COL4A2: variants seen among roughly 807,000 people sequenced by gnomAD.
The protein encoded by COL4A2 is collagen alpha-2(IV) chain.
Under a neutral mutation model 200.2 loss-of-function variants are expected in COL4A2, and 99 were observed. The ratio of observed to expected loss-of-function variants is 0.49; its 90% confidence interval spans 0.42 to 0.58. COL4A2 has a LOEUF of 0.58. Ranked by LOEUF, COL4A2 falls within the 20% of genes least tolerant of loss-of-function variation. COL4A2 has a pLI of 0.00. For missense variants in COL4A2, 1,950 were observed against 2,314.1 expected (o/e 0.84, Z 3.23); for synonymous variants, 897 against 900.6 (o/e 1.00, Z 0.07).
intron 35 of COL4A2, 94 bp downstream of exon 35, chr13:110,489,602 A>G: frequency 6.3e-7 from 1 of 1,590,566 alleles, no homozygotes. Flanking sequence ...GCTGTTAGGT[A>G]TTTTAAAACA....
rs192170182 is a variant in COL4A2 at position 110,312,826 on chromosome 13, C to T, written c.99+4703C>T. The stretch of plus-strand genomic sequence containing the variant: ...AAGTCTAATCCAGCCTGTTGCTAAC[C>T]GGGTTCTGACTTCAGGGCAAGACAC... On this transcript the variant is annotated intron_variant, in intron 3 of 47. Coordinates refer to ENST00000360467, the MANE Select transcript of COL4A2 (RefSeq NM_001846.4). 7.2e-5 allele frequency among the ~76,000 whole-genome samples: 11 copies of T among 152,324 alleles called. 1 individual carries two copies. The East Asian group carries it at 1.4e-3, about 19-fold the overall frequency.
intron 4 of COL4A2, among the ~76,000 whole-genome samples, chr13:110,385,500 A>G (rs9521738): frequency 0.33 from 26,335 of 79,900 alleles, 4,379 homozygotes; most frequent in Admixed American, 0.4. Context: ...GGCCGTGGTT[A>G]CAGTGTGTGG....
chr13:110,345,199 G>A (rs1259270455), intron 3 of COL4A2, among the ~76,000 whole-genome samples: 14 of 152,184 alleles, frequency 9.2e-5, no homozygotes, highest in Non-Finnish European at 1.8e-4. Context: ...GGGTATGGAG[G>A]ACATTCCAAG....
At chr13:110,418,938 A>G (rs192540467) in intron 4 of COL4A2, among the ~76,000 whole-genome samples, 3 of 152,344 alleles carry the variant, frequency 2.0e-5, no homozygotes, top group Admixed American at 2.0e-4. Context: ...ATATTTCTAA[A>G]TTTTGGCCGG....
intron 34 of COL4A2, among the ~76,000 whole-genome samples, chr13:110,487,117 C>T (rs1883143151): frequency 6.6e-6 from 1 of 152,222 alleles, no homozygotes; most frequent in South Asian, 2.1e-4. Context: ...CTGAGAGTAT[C>T]TTCTAGCCAG....
chr13:110,307,923 C>A lies in COL4A2; in HGVS notation c.20C>A (p.Ala7Glu). 6.2e-7 allele frequency: 1 copy of A among 1,612,846 alleles called. No individual in the cohort carries two copies. Among genetic ancestry groups the A allele is most frequent in the South Asian group, 1.1e-5 (1 of 90,930 alleles). Residue 7 changes from alanine to glutamate, a missense_variant, in exon 2 of 48, where the codon GCG becomes GAG. Physicochemically the swap from Ala to Glu is moderately radical, Grantham distance 107. This residue lies in a region of COL4A2 where 565 missense variants were observed against 593.5 expected (regional missense o/e 0.95). Transcript: ENST00000360467. This position sits in a 1 kb window ranked among gnomAD's most constrained non-coding sequence, Gnocchi z 5.0. ...GCCAGCATGGGGAGAGACCAGCGCG[C>A]GGTGGCCGGCCCTGCCCTACGGCGG... MGRDQR[A>E]VAGPALRRWL...
At chr13:110,500,970 A>G (rs1883617280) in intron 40 of COL4A2, among the ~76,000 whole-genome samples, 1 of 152,250 alleles carries the variant, frequency 6.6e-6, no homozygotes, top group Non-Finnish European at 1.5e-5. Context: ...TGTGGAAAAC[A>G]GGGCACTACA....
chr13:110,370,837 A>C (rs1877973020), intron 4 of COL4A2, among the ~76,000 whole-genome samples: 1 of 152,220 alleles, frequency 6.6e-6, no homozygotes, highest in Non-Finnish European at 1.5e-5. Flanking sequence ...GGAGATTTCT[A>C]AATGCTAATT....
At position 110,418,789 on chromosome 13, in the gene COL4A2, G is replaced by A. The variant is rs556169979; in HGVS notation, c.181-5945G>A. Among the ~76,000 whole-genome samples the A allele has an allele frequency of 2.6e-5, 4 of 152,314 alleles. No individual in the cohort carries two copies. In the East Asian group the frequency reaches 5.8e-4, roughly 22 times the overall value. ...TCTGTGTTGCATGGAATAGGCTGCT[G>A]ATAGTTATCTGTGTAATATACTGTA... is the stretch of plus-strand genomic sequence containing the variant. On this transcript the variant is annotated intron_variant, in intron 4 of 47. Coordinates refer to ENST00000360467, the MANE Select transcript of COL4A2 (RefSeq NM_001846.4).
rs147642990 is a variant in COL4A2 at position 110,381,280 on chromosome 13, C to T, written c.180+23728C>T. The stretch of plus-strand genomic sequence containing the variant: ...TCTCACACCCACGGACTCTATCTCA[C>T]GCCCACCGGCTCTATGTCACACCCA... On this transcript the variant is annotated intron_variant, in intron 4 of 47. Transcript: ENST00000360467. 8.6e-3 allele frequency among the ~76,000 whole-genome samples: 1,311 copies of T among 152,098 alleles called. 16 individuals carry two copies. Among genetic ancestry groups the T allele is most frequent in the African/African-American group, 0.029 (1,202 of 41,486 alleles).
Position 110,469,276 on chromosome 13 carries a change from A to G in COL4A2, c.2155A>G (p.Arg719Gly), listed in dbSNP as rs754712677. Reference sequence around the variant, plus strand: ...AGGAGCTGATGGAGGACCAGGGCCCAGGGGCTTGCCAGGAGACGCAGGTCG... The same window carrying G: ...AGGAGCTGATGGAGGACCAGGGCCCGGGGGCTTGCCAGGAGACGCAGGTCG... ...FAGADGGPGP[R>G]GLPGDAGREG... The change falls in exon 28 of 48, where the codon AGG (arginine) becomes GGG (glycine). Residue 719 changes from arginine (R) to glycine (G), a missense_variant. By Grantham distance (125) the Arg-to-Gly change is moderately radical. Around this residue, in one of 2 missense-constraint regions of COL4A2, gnomAD observed 1,385 missense variants for 1,720.5 expected, o/e 0.80. Coordinates refer to ENST00000360467, the MANE Select transcript of COL4A2 (RefSeq NM_001846.4). The G allele has an allele frequency of 1.6e-5, 26 of 1,603,328 alleles. No homozygotes were observed. Among genetic ancestry groups the G allele is most frequent in the Non-Finnish European group, 1.9e-5 (22 of 1,175,174 alleles).
intron 22 of COL4A2, among the ~76,000 whole-genome samples, chr13:110,460,136 A>G (rs1355558626): frequency 1.3e-5 from 2 of 152,208 alleles, no homozygotes; most frequent in Non-Finnish European, 2.9e-5. Flanking sequence ...GCAATAGAGG[A>G]AAAACAGTTG....
rs1308005448 is a variant in COL4A2 at position 110,451,901 on chromosome 13, A to G, written c.1339+1447A>G. Among the ~76,000 whole-genome samples, 25 of 152,254 alleles carry G rather than the reference A, an allele frequency of 1.6e-4. 1 individual carries two copies. The highest frequency in any genetic ancestry group is 1.6e-3 in the Admixed American group (25 of 15,286). Reference sequence around the variant, plus strand: ...AATAGGAATATTTCATTCTCTCACAAGAGTGAATATAGGAGACATTGGGAG... The same window carrying G: ...AATAGGAATATTTCATTCTCTCACAGGAGTGAATATAGGAGACATTGGGAG... On this transcript the variant is annotated intron_variant, in intron 20 of 47. Transcript: ENST00000360467.
In COL4A2 at chr13:110,325,432, G is replaced by C. The variant is rs79446458; in HGVS notation, c.99+17309G>C. On this transcript the variant is annotated intron_variant, in intron 3 of 47. Transcript: ENST00000360467. ...TGGGCTCTAGTTAAAACATCTCTCA[G>C]ACAGAGTCCTTTGGAAAATTCCATG... Among the ~76,000 whole-genome samples the C allele has an allele frequency of 7.9e-3, 1,209 of 152,340 alleles. 17 individuals are homozygous for C. The highest frequency in any genetic ancestry group is 0.028 in the African/African-American group (1,181 of 41,572).
At position 110,504,189 on chromosome 13, in the gene COL4A2, G is replaced by A; in HGVS notation, c.4327G>A (p.Gly1443Ser). The A allele has an allele frequency of 6.2e-7, 1 of 1,614,186 alleles. No homozygotes were observed. Among genetic ancestry groups the A allele is most frequent in the Middle Eastern group, 1.7e-4 (1 of 6,060 alleles). Residue 1443 changes from glycine to serine, a missense_variant, in exon 45 of 48, where the codon GGT becomes AGT. Gly to Ser is a moderately conservative substitution (Grantham distance 56, BLOSUM62 0). This residue lies in a region of COL4A2 where 1,385 missense variants were observed against 1,720.5 expected (regional missense o/e 0.80). Coordinates refer to ENST00000360467, the MANE Select transcript of COL4A2 (RefSeq NM_001846.4). Reference sequence around the variant, plus strand: ...AGGGAAAGCTGGGCCCCAAGGAAGAGGTGGTGTGTCTGCTGTTCCCGGCTT... The same window carrying A: ...AGGGAAAGCTGGGCCCCAAGGAAGAAGTGGTGTGTCTGCTGTTCCCGGCTT... ...APGKAGPQGRGGVSAVPGFRG... is the reference protein window; with the variant it reads ...APGKAGPQGRSGVSAVPGFRG...
At chr13:110,462,507 C>A in intron 24 of COL4A2, 123 bp downstream of exon 24, 1 of 780,056 alleles carries the variant, frequency 1.3e-6, no homozygotes, top group Non-Finnish European at 2.0e-6. Flanking sequence ...GGACAGGCTG[C>A]TCATTCTGCT....
chr13:110,489,361 TG>T, intron 34 of COL4A2, 83 bp from the exon 35 acceptor site: 2 of 1,320,556 alleles, frequency 1.5e-6, no homozygotes, highest in East Asian at 4.6e-5. Context: ...GTTAGCATAC[TG>T]GATAGTTAAA....
chr13:110,428,538 AGGTCCACAGGGGCCCCCCG>A lies in COL4A2; in HGVS notation c.434_452del (p.Gly145AlafsTer95), dbSNP rs1880554953. 6.3e-7 allele frequency: 1 copy of A among 1,580,386 alleles called. No homozygotes were observed. Among genetic ancestry groups the A allele is most frequent in the South Asian group, 1.2e-5 (1 of 86,776 alleles). On this transcript the variant is annotated frameshift_variant, in exon 7 of 48. Transcript: ENST00000360467. LOFTEE classifies it high-confidence loss of function. The stretch of plus-strand genomic sequence containing the variant: ...GCTGCAACGGAACCCAGGGAGACTC[AGGTCCACAGGGGCCCCCCG>A]GCTCTGAGGGGTTCACCGGGCCTCC...
rs1884116893 is a variant in COL4A2, at chr13:110,512,338, C to T, written c.*147C>T. 1.5e-6 allele frequency: 2 copies of T among 1,329,296 alleles called. No homozygotes were observed. The highest frequency in any genetic ancestry group is 2.0e-6 in the Non-Finnish European group (2 of 1,004,954). The allele number at this position is 1,329,296 out of a possible 1,614,324, so 82.3% of individuals were successfully genotyped here. A position where few individuals can be genotyped will look rare whatever the true frequency, so the allele number is the denominator to read the frequency against. Reference sequence around the variant, plus strand: ...ATCCAGCAGCAGCACTTAGACCTGCCAGCCACTGTCACCGAGCGGGTGCAA... The same window carrying T: ...ATCCAGCAGCAGCACTTAGACCTGCTAGCCACTGTCACCGAGCGGGTGCAA... On this transcript the variant is annotated 3_prime_UTR_variant, in exon 48 of 48. Coordinates refer to ENST00000360467, the MANE Select transcript of COL4A2 (RefSeq NM_001846.4).
Sources: allele counts gnomAD v4.1 joint callset (sites outside exome capture counted in the v4.1 genomes callset), GRCh38; gene constraint gnomAD v4.1.1; regional missense constraint gnomAD v4.1.1; non-coding constraint Gnocchi (gnomAD v3.1); transcripts MANE v1.5; gene names NCBI Gene and HGNC (gene_info 2026-07-23, HGNC 2026-07-21).